The following DNAH3 variants were observed in gnomAD, a reference collection of about 807,000 sequenced individuals.
DNAH3 encodes axonemal beta dynein heavy chain 3.
Under a neutral mutation model 432.5 loss-of-function variants are expected in DNAH3, and 332 were observed. The observed-to-expected ratio is 0.77, with a 90% confidence interval of 0.70 to 0.84. The LOEUF is 0.84. DNAH3 is among the 40% of genes least tolerant of loss of function. DNAH3 has a pLI of 0.00. For synonymous variants in DNAH3, 1,956 were observed against 1,900.2 expected, an observed-to-expected ratio of 1.03 and a Z score of -0.76; for missense variants, 4,861 against 5,114.0, an observed-to-expected ratio of 0.95 and a Z score of 1.51.
chr16:21,105,424 G>T (rs1048871165), intron 15 of DNAH3, among the ~76,000 whole-genome samples: 1 of 152,188 alleles, frequency 6.6e-6, no homozygotes, highest in African/African-American at 2.4e-5. Flanking sequence ...ATACACAGGA[G>T]CATGAAGAAA....
At chr16:21,136,509 T>C in exon 6 of DNAH3, 3 of 1,614,048 alleles carry the variant, frequency 1.9e-6, no homozygotes, top group Non-Finnish European at 2.5e-6. Context: ...ATAGTAATAG[T>C]ATCTCTTCCA....
intron 25 of DNAH3, 73 bp downstream of exon 25, chr16:21,062,409 A>G (rs1162704028): frequency 1.3e-5 from 17 of 1,278,656 alleles, no homozygotes; most frequent in Non-Finnish European, 1.8e-5. Flanking sequence ...GCTTAGTCCC[A>G]GTGCTTAGCC....
At chr16:20,990,341 T>G (rs2086493885) in intron 44 of DNAH3, among the ~76,000 whole-genome samples, 1 of 152,264 alleles carries the variant, frequency 6.6e-6, no homozygotes, top group Admixed American at 6.5e-5. Context: ...AATCTATAAT[T>G]GTTAGATATC....
At chr16:21,046,870 G>A (rs1464731304) in intron 31 of DNAH3, among the ~76,000 whole-genome samples, 3 of 151,870 alleles carry the variant, frequency 2.0e-5, no homozygotes, top group Non-Finnish European at 2.9e-5. Context: ...AGGCAGGCCT[G>A]GTGGTGACAA....
At chr16:21,058,142 A>G in exon 27 of DNAH3, 1 of 1,614,030 alleles carries the variant, frequency 6.2e-7, no homozygotes, top group Non-Finnish European at 8.5e-7. Flanking sequence ...AAGATGGAGG[A>G]GACACAGATA....
exon 53 of DNAH3, chr16:20,963,893 G>T (rs761040056): frequency 8.1e-6 from 13 of 1,614,036 alleles, no homozygotes; most frequent in Non-Finnish European, 1.7e-6. Flanking sequence ...GTCAAGGAAT[G>T]CATGTAGAGA....
chr16:20,948,377 C>G (rs2084149231), intron 57 of DNAH3, 106 bp downstream of exon 57: 1 of 1,214,578 alleles, frequency 8.2e-7, no homozygotes, highest in Admixed American at 2.6e-5. Flanking sequence ...ATTCAGGAAG[C>G]CCAAGGTCAC....
chr16:20,955,919 CTTATT>C (rs1180110264), intron 54 of DNAH3, among the ~76,000 whole-genome samples: 93 of 151,288 alleles, frequency 6.1e-4, no homozygotes, highest in East Asian at 4.3e-3. Context: ...TTATTTTTAT[CTTATT>C]TTATTTTTAT....
chr16:20,976,594 T>G (rs1479650472), intron 50 of DNAH3, among the ~76,000 whole-genome samples: 1 of 152,244 alleles, frequency 6.6e-6, no homozygotes, highest in Non-Finnish European at 1.5e-5. Flanking sequence ...AATAGTATTG[T>G]GGACTAAATG....
intron 13 of DNAH3, 83 bp downstream of exon 13, chr16:21,111,910 T>G: frequency 1.3e-6 from 2 of 1,547,148 alleles, no homozygotes; most frequent in Non-Finnish European, 8.9e-7. Context: ...GCATGGTCTA[T>G]GCACCAAAGA....
chr16:20,976,258 T>A (rs1031039649), intron 50 of DNAH3, among the ~76,000 whole-genome samples: 13 of 151,850 alleles, frequency 8.6e-5, no homozygotes, highest in African/African-American at 3.1e-4. Context: ...AGTGGTGAGA[T>A]CTCAGCTCAA....
At chr16:20,970,733 G>A (rs1040939373) in intron 51 of DNAH3, among the ~76,000 whole-genome samples, 2 of 152,108 alleles carry the variant, frequency 1.3e-5, no homozygotes, top group Non-Finnish European at 2.9e-5. Flanking sequence ...CATTAGGGGG[G>A]AAAGAAATAA....
chr16:21,051,732 G>C, exon 29 of DNAH3: 1 of 1,613,978 alleles, frequency 6.2e-7, no homozygotes, highest in Non-Finnish European at 8.5e-7. Context: ...GGTACTCATA[G>C]CCATACAAGG....
intron 44 of DNAH3, among the ~76,000 whole-genome samples, chr16:20,991,840 C>T (rs1056999092): frequency 1.8e-4 from 28 of 152,270 alleles, no homozygotes; most frequent in African/African-American, 6.5e-4. Context: ...GGAAAGTACT[C>T]AATAATGTTT....
chr16:20,978,102 G>A (rs2085678386), intron 50 of DNAH3, among the ~76,000 whole-genome samples: 1 of 152,170 alleles, frequency 6.6e-6, no homozygotes, highest in African/African-American at 2.4e-5. Flanking sequence ...TTTTCAGGTG[G>A]CTCTAAGAAC....
rs150223010 is a variant in DNAH3, at chr16:21,083,380, C to T, written c.2878-1653G>A. 6.0e-3 allele frequency among the ~76,000 whole-genome samples: 920 copies of T among 152,156 alleles called. 24 individuals are homozygous for T. The highest frequency in any genetic ancestry group is 0.043 in the Admixed American group (653 of 15,284). The stretch of plus-strand genomic sequence containing the variant: ...AAGCAAGGAACCCAGAAGTAGTTAC[C>T]GTTGAAATAACGGTCTTGGAAGACC... On this transcript the variant is annotated intron_variant, in intron 19 of 61. Coordinates refer to ENST00000261383, the Ensembl canonical transcript of DNAH3.
chr16:20,981,270 G>A (rs2085883964), intron 49 of DNAH3, among the ~76,000 whole-genome samples: 1 of 152,174 alleles, frequency 6.6e-6, no homozygotes, highest in Non-Finnish European at 1.5e-5. Context: ...AAGATGTAAT[G>A]TTTCCCATTC....
chr16:20,985,088 A>G, exon 48 of DNAH3: 5 of 1,611,938 alleles, frequency 3.1e-6, no homozygotes, highest in Non-Finnish European at 4.2e-6. Flanking sequence ...CTCTCAATAA[A>G]GAAGTTATAC....
intron 1 of DNAH3, among the ~76,000 whole-genome samples, chr16:21,151,454 G>C (rs1000677022): frequency 6.6e-6 from 1 of 151,584 alleles, no homozygotes; most frequent in Non-Finnish European, 1.5e-5. Context: ...CCACCAGTGC[G>C]CCCAGCTAAT....
Sources: allele counts gnomAD v4.1 joint callset (sites outside exome capture counted in the v4.1 genomes callset), GRCh38; gene constraint gnomAD v4.1.1; transcripts MANE v1.5; gene names NCBI Gene and HGNC (gene_info 2026-07-23, HGNC 2026-07-21).